The following TMEM63C variants were observed in gnomAD, a reference collection of about 807,000 sequenced individuals.
The protein encoded by TMEM63C is osmosensitive cation channel TMEM63C.
In TMEM63C, 32 loss-of-function variants were observed where a neutral mutation model predicts 99.2. The ratio of observed to expected loss-of-function variants is 0.32; its 90% CI spans 0.24 to 0.43. The LOEUF (loss-of-function observed/expected upper bound fraction) is 0.43, where lower values mean the gene tolerates loss of function less well. Among genes scored for constraint, TMEM63C ranks in the 20% least tolerant of loss-of-function variants. The pLI, the probability that TMEM63C is intolerant of heterozygous loss-of-function variation, is 1.00. For missense variants in TMEM63C, 826 were observed against 1,053.0 expected, an observed-to-expected ratio of 0.78 and a Z score of 2.98; for synonymous variants, 376 against 397.9, an observed-to-expected ratio of 0.94 and a Z score of 0.66.
intron 1 of TMEM63C, among the ~76,000 whole-genome samples, chr14:77,201,440 T>C (rs1444348705): frequency 6.6e-6 from 1 of 152,290 alleles, no homozygotes; most frequent in Non-Finnish European, 1.5e-5. Flanking sequence ...GGGCCTATCC[T>C]GAAAACACGA....
intron 21 of TMEM63C, among the ~76,000 whole-genome samples, chr14:77,249,895 C>T (rs748440070): frequency 3.9e-5 from 6 of 152,146 alleles, no homozygotes; most frequent in Non-Finnish European, 8.8e-5. Context: ...AGTACAGTGG[C>T]GCGATCACGG....
At chr14:77,215,664 C>T (rs1388518085) in intron 2 of TMEM63C, among the ~76,000 whole-genome samples, 2 of 149,438 alleles carry the variant, frequency 1.3e-5, no homozygotes, top group Admixed American at 1.3e-4. Context: ...ACAGAACACT[C>T]ACTGGCTGCC....
intron 1 of TMEM63C, among the ~76,000 whole-genome samples, chr14:77,182,129 G>A (rs947823831): frequency 2.0e-5 from 3 of 152,186 alleles, no homozygotes; most frequent in African/African-American, 7.2e-5. Flanking sequence ...CCACCCGGGA[G>A]GGCGTGGCTT....
At position 77,251,792 on chromosome 14, in the gene TMEM63C, C is replaced by G. The variant is rs1284199359; in HGVS notation, c.2042C>G (p.Ser681Cys). The change falls in exon 22 of 24, where the codon TCT (serine) becomes TGT (cysteine). Residue 681 changes from serine (S) to cysteine (C), a missense_variant. By Grantham distance (112) the Ser-to-Cys change is moderately radical. Transcript: ENST00000298351. ...MLFFSILRLG[S>C]LHAITIFSLS... The stretch of plus-strand genomic sequence containing the variant: ...GACTTTTTCTCCTCCTCGGCAGGTT[C>G]TCTCCACGCCATCACCATCTTTTCC... 5 of 1,613,574 alleles carry G rather than the reference C, an allele frequency of 3.1e-6. No homozygotes were observed. The highest frequency in any genetic ancestry group is 4.2e-6 in the Non-Finnish European group (5 of 1,179,584).
intron 7 of TMEM63C, among the ~76,000 whole-genome samples, chr14:77,233,141 C>T (rs762281171): frequency 3.9e-5 from 6 of 152,178 alleles, no homozygotes; most frequent in Non-Finnish European, 7.4e-5. Context: ...CATCATTCTG[C>T]TCGTGGCTGG....
chr14:77,229,632 A>ATATATAT (rs59641845), intron 6 of TMEM63C, among the ~76,000 whole-genome samples: 9 of 144,122 alleles, frequency 6.2e-5, no homozygotes, highest in Non-Finnish European at 1.2e-4. Context: ...ATATATATAT[A>ATATATAT]GTAGAGATGG....
At chr14:77,190,636 C>G (rs1888088190) in intron 1 of TMEM63C, among the ~76,000 whole-genome samples, 1 of 152,070 alleles carries the variant, frequency 6.6e-6, no homozygotes, top group African/African-American at 2.4e-5. Flanking sequence ...TGTAATTGAA[C>G]AAACTAATAG....
chr14:77,221,777 C>T, intron 5 of TMEM63C, among the ~76,000 whole-genome samples: 1 of 150,008 alleles, frequency 6.7e-6, no homozygotes, highest in Non-Finnish European at 1.5e-5. Flanking sequence ...TGGTTCCCCC[C>T]ACCGCTAAAT....
intron 1 of TMEM63C, among the ~76,000 whole-genome samples, chr14:77,203,616 C>G (rs1888341337): frequency 6.6e-6 from 1 of 152,276 alleles, no homozygotes; most frequent in Non-Finnish European, 1.5e-5. Context: ...ACTTGGATCT[C>G]CTCCACCTGA....
chr14:77,224,618 A>T (rs1888784673), intron 5 of TMEM63C, among the ~76,000 whole-genome samples: 1 of 149,744 alleles, frequency 6.7e-6, no homozygotes, highest in East Asian at 2.0e-4. Context: ...GTCCCCCACC[A>T]ATCTCCCCAT....
chr14:77,233,373 T>G, intron 7 of TMEM63C, 79 bp from the exon 8 acceptor site: 1 of 1,472,798 alleles, frequency 6.8e-7, no homozygotes, highest in African/African-American at 1.4e-5. Flanking sequence ...CCCCACGCAT[T>G]TGTCCAGGAA....
intron 8 of TMEM63C, among the ~76,000 whole-genome samples, chr14:77,233,703 T>C (rs548040385): frequency 6.6e-6 from 1 of 152,170 alleles, no homozygotes; most frequent in South Asian, 2.1e-4. Flanking sequence ...AGGCCCTGTG[T>C]CCTCATCTGT....
At chr14:77,200,573 T>A (rs1888282897) in intron 1 of TMEM63C, among the ~76,000 whole-genome samples, 1 of 152,236 alleles carries the variant, frequency 6.6e-6, no homozygotes, top group African/African-American at 2.4e-5. Flanking sequence ...AACGTGGCTC[T>A]GGCCCTATTT....
At chr14:77,230,731 C>G (rs1888924204) in intron 6 of TMEM63C, among the ~76,000 whole-genome samples, 1 of 151,734 alleles carries the variant, frequency 6.6e-6, no homozygotes, top group Admixed American at 6.6e-5. Flanking sequence ...TGCCCCCCCA[C>G]CACCCCACAC....
At chr14:77,236,506 T>C in intron 8 of TMEM63C, 118 bp from the exon 9 acceptor site, 1 of 667,428 alleles carries the variant, frequency 1.5e-6, no homozygotes, top group African/African-American at 1.9e-5. Context: ...CTGAGGAGAC[T>C]GTGATGGGCT....
At chr14:77,218,242 A>G (rs3952320) in intron 2 of TMEM63C, among the ~76,000 whole-genome samples, 98,792 of 143,942 alleles carry the variant, frequency 0.69, 34,121 homozygotes, top group Admixed American at 0.73. Flanking sequence ...AAAAAAAAAG[A>G]GGGGGGTGTT....
At chr14:77,211,235 G>C (rs559764675) in intron 1 of TMEM63C, among the ~76,000 whole-genome samples, 1 of 152,340 alleles carries the variant, frequency 6.6e-6, no homozygotes, top group South Asian at 2.1e-4. Flanking sequence ...GCAAAGCAGA[G>C]GGTTACAAAT....
intron 12 of TMEM63C, 75 bp downstream of exon 12, chr14:77,239,801 C>A: frequency 1.9e-6 from 3 of 1,557,156 alleles, no homozygotes; most frequent in East Asian, 4.6e-5. Context: ...TGCCTTTGCC[C>A]GCACTGTTGG....
intron 16 of TMEM63C, among the ~76,000 whole-genome samples, chr14:77,244,698 GC>G (rs1278186779): frequency 6.6e-6 from 1 of 152,234 alleles, no homozygotes; most frequent in Non-Finnish European, 1.5e-5. Flanking sequence ...AGAGTGTGGG[GC>G]CAAAGCCAAG....
Sources: allele counts gnomAD v4.1 joint callset (sites outside exome capture counted in the v4.1 genomes callset), GRCh38; gene constraint gnomAD v4.1.1; transcripts MANE v1.5; gene names NCBI Gene and HGNC (gene_info 2026-07-23, HGNC 2026-07-21).